The following WLS variants were observed in gnomAD, a reference collection of about 807,000 sequenced individuals.
WLS encodes Wnt ligand secretion mediator.
WLS carries 23 observed loss-of-function variants against 62.8 expected under a neutral mutation model. The ratio of observed to expected loss-of-function variants is 0.37; its 90% CI spans 0.26 to 0.52. WLS has a LOEUF of 0.52. WLS is among the 20% of genes least tolerant of loss of function. The pLI is 0.92. For synonymous variants in WLS, 246 were observed against 244.1 expected (o/e 1.01, Z -0.07); for missense variants, 615 against 697.3 (o/e 0.88, Z 1.33).
intron 1 of WLS, among the ~76,000 whole-genome samples, chr1:68,219,727 G>A (rs1649869077): frequency 1.3e-5 from 2 of 151,950 alleles, no homozygotes; most frequent in Non-Finnish European, 2.9e-5. Context: ...GTTTGACAGA[G>A]GTTATATTTT....
intron 1 of WLS, among the ~76,000 whole-genome samples, chr1:68,196,100 C>T (rs141471819): frequency 1.3e-3 from 194 of 151,290 alleles, no homozygotes; most frequent in African/African-American, 4.4e-3. Context: ...TTCCCCAATC[C>T]ATTTCAAATT....
At chr1:68,155,733 C>G (rs758930999) in intron 3 of WLS, among the ~76,000 whole-genome samples, 3 of 152,052 alleles carry the variant, frequency 2.0e-5, no homozygotes, top group Non-Finnish European at 2.9e-5. Context: ...AATTATTCTC[C>G]TGATTTTGGC....
chr1:68,163,375 G>A (rs1452668666), intron 2 of WLS, among the ~76,000 whole-genome samples: 1 of 152,164 alleles, frequency 6.6e-6, no homozygotes, highest in Non-Finnish European at 1.5e-5. Flanking sequence ...CGCGGTGGCG[G>A]TGGCTCCCGC....
rs568562594 is a variant in WLS at position 68,166,434 on chromosome 1, G to A, written c.380-7187C>T. On this transcript the variant is annotated intron_variant, in intron 2 of 11. Coordinates refer to ENST00000262348, the MANE Select transcript of WLS (RefSeq NM_024911.7). Reference sequence around the variant, plus strand: ...TCTTCAGGCCTCACATCCATCCTGGGAGGAAGACGTTATATAAATTGCCCA... The same window carrying A: ...TCTTCAGGCCTCACATCCATCCTGGAAGGAAGACGTTATATAAATTGCCCA... Among the ~76,000 whole-genome samples, 29 of 152,286 alleles carry A rather than the reference G, an allele frequency of 1.9e-4. No homozygotes were observed. In the South Asian group the frequency reaches 5.0e-3, roughly 26 times the overall value.
At chr1:68,138,039 G>T in intron 10 of WLS, 106 bp from the exon 11 acceptor site, 1 of 1,367,306 alleles carries the variant, frequency 7.3e-7, no homozygotes, top group Non-Finnish European at 1.0e-6. Context: ...TCTTCTACAT[G>T]TGGGAAACAT....
chr1:68,200,527 A>G (rs1164875896), intron 1 of WLS, among the ~76,000 whole-genome samples: 1 of 149,736 alleles, frequency 6.7e-6, no homozygotes, highest in East Asian at 2.0e-4. Flanking sequence ...CTATGTCTAT[A>G]TCTTCAAAAG....
At chr1:68,138,854 G>A (rs1006236062) in intron 10 of WLS, among the ~76,000 whole-genome samples, 4 of 152,180 alleles carry the variant, frequency 2.6e-5, no homozygotes, top group African/African-American at 9.7e-5. Flanking sequence ...AGCTGAATGA[G>A]GCTGCGTTGT....
chr1:68,168,298 T>C (rs1206118190), intron 2 of WLS, among the ~76,000 whole-genome samples: 1 of 152,206 alleles, frequency 6.6e-6, no homozygotes, highest in Non-Finnish European at 1.5e-5. Context: ...CCTTCTATAT[T>C]TGAAACAGGT....
intron 2 of WLS, among the ~76,000 whole-genome samples, chr1:68,192,419 C>A (rs1648361815): frequency 6.6e-6 from 1 of 151,668 alleles, no homozygotes; most frequent in African/African-American, 2.4e-5. Context: ...GAGAGACCCC[C>A]ATAAAATTTT....
At chr1:68,175,021 C>T (rs1647213752) in intron 2 of WLS, among the ~76,000 whole-genome samples, 1 of 152,162 alleles carries the variant, frequency 6.6e-6, no homozygotes, top group Non-Finnish European at 1.5e-5. Context: ...GCTTTATGTC[C>T]TGTAGGTGGG....
chr1:68,202,963 A>G (rs1368601818), intron 1 of WLS: 1 of 152,216 alleles, frequency 6.6e-6, no homozygotes, highest in Non-Finnish European at 1.5e-5. Flanking sequence ...GGGTCAGAAA[A>G]TACCAAAATT....
Position 68,181,314 on chromosome 1 carries a change from C to T in WLS, c.379+12641G>A, listed in dbSNP as rs560752812. ...TGCTGCTTCTGGCTTCTCTGCTCTT[C>T]ACATTAGTCAATGATGTCACCAGGT... On this transcript the variant is annotated intron_variant, in intron 2 of 11. Coordinates refer to ENST00000262348, the MANE Select transcript of WLS (RefSeq NM_024911.7). Among the ~76,000 whole-genome samples the T allele has an allele frequency of 3.1e-4, 47 of 152,334 alleles. No individual in the cohort carries two copies. The South Asian group carries it at 8.9e-3, about 29-fold the overall frequency.
At chr1:68,181,932 T>C (rs1462608616) in intron 2 of WLS, among the ~76,000 whole-genome samples, 3 of 152,228 alleles carry the variant, frequency 2.0e-5, no homozygotes, top group Non-Finnish European at 2.9e-5. Flanking sequence ...GCTTGGTTGA[T>C]GATTGTTAGA....
intron 3 of WLS, among the ~76,000 whole-genome samples, chr1:68,157,628 A>G (rs1646917698): frequency 6.6e-6 from 1 of 152,112 alleles, no homozygotes; most frequent in South Asian, 2.1e-4. Context: ...AAAGCTTTAA[A>G]GCAATTTCTC....
At chr1:68,156,349 A>G (rs1350417138) in intron 3 of WLS, among the ~76,000 whole-genome samples, 1 of 152,204 alleles carries the variant, frequency 6.6e-6, no homozygotes, top group Admixed American at 6.5e-5. Context: ...AAATCTTCAG[A>G]GCAAAGATCC....
At chr1:68,140,762 CT>C (rs1646673847) in intron 10 of WLS, among the ~76,000 whole-genome samples, 1 of 152,172 alleles carries the variant, frequency 6.6e-6, no homozygotes, top group African/African-American at 2.4e-5. Flanking sequence ...TAACTCTGCT[CT>C]TTGGTGGCTG....
At chr1:68,143,783 T>TAA (rs1646717982) in intron 10 of WLS, among the ~76,000 whole-genome samples, 2 of 152,216 alleles carry the variant, frequency 1.3e-5, no homozygotes, top group Admixed American at 6.5e-5. Flanking sequence ...TTACTTCCTG[T>TAA]AGTCATTACA....
At chr1:68,196,716 T>C (rs1648682960) in intron 1 of WLS, among the ~76,000 whole-genome samples, 2 of 152,292 alleles carry the variant, frequency 1.3e-5, no homozygotes, top group South Asian at 2.1e-4. Flanking sequence ...ACATCCTTCA[T>C]GTAGAAGGCT....
At chr1:68,124,710 A>G (rs1465341174), downstream of WLS, among the ~76,000 whole-genome samples, 1 of 152,100 alleles carries the variant, frequency 6.6e-6, no homozygotes, top group African/African-American at 2.4e-5. Flanking sequence ...AGAATAGCCA[A>G]AGTCAAAGCA....
Sources: allele counts gnomAD v4.1 joint callset (sites outside exome capture counted in the v4.1 genomes callset), GRCh38; gene constraint gnomAD v4.1.1; transcripts MANE v1.5; gene names NCBI Gene and HGNC (gene_info 2026-07-23, HGNC 2026-07-21).